The following COCH variants were observed in gnomAD, a reference collection of about 807,000 sequenced individuals.
COCH encodes coagulation factor C homolog, cochlin (Limulus polyphemus).
In COCH, 40 loss-of-function variants were observed where a neutral mutation model predicts 54.8. The ratio of observed to expected loss-of-function variants is 0.73; its 90% CI spans 0.57 to 0.95. The LOEUF (loss-of-function observed/expected upper bound fraction) is 0.95. Ranked by LOEUF, COCH falls within the 40% of genes least tolerant of loss-of-function variation. COCH has a pLI of 0.00. For synonymous variants in COCH, 256 were observed against 237.9 expected (o/e 1.08, Z -0.70); for missense variants, 605 against 675.0 (o/e 0.90, Z 1.15).
In COCH at chr14:30,885,607, C is replaced by T; in HGVS notation, c.947C>T (p.Thr316Ile). The T allele has an allele frequency of 6.3e-7, 1 of 1,594,910 alleles. No individual in the cohort carries two copies. The highest frequency in any genetic ancestry group is 1.1e-5 in the South Asian group (1 of 90,668). ...GAACTGGGGATGGTTCAGGATGTCA[C>T]ATTTGTTGACAAGGTAAAGTGGTGA... ...PEELGMVQDVTFVDKAVCRNN... is the reference protein window; with the variant it reads ...PEELGMVQDVIFVDKAVCRNN... Residue 316 changes from threonine (T) to isoleucine (I), a missense_variant, in exon 10 of 12, where the codon ACA becomes ATA. Physicochemically the swap from Thr to Ile is moderately conservative, Grantham distance 89. Coordinates refer to ENST00000396618, the MANE Select transcript of COCH (RefSeq NM_004086.3).
At chr14:30,876,964 ATTTAAAAAAAATTT>A (rs1296425575) in intron 3 of COCH, among the ~76,000 whole-genome samples, 1 of 151,920 alleles carries the variant, frequency 6.6e-6, no homozygotes, top group Non-Finnish European at 1.5e-5. Context: ...ACGTGTGGCC[ATTTAAAAAAAATTT>A]TTTTTTTTTA....
chr14:30,885,993 G>A lies in COCH; in HGVS notation c.1158G>A (p.Met386Ile), dbSNP rs1479451581. The A allele has an allele frequency of 6.2e-7, 1 of 1,614,110 alleles. No individual in the cohort carries two copies. Among genetic ancestry groups the A allele is most frequent in the African/African-American group, 1.3e-5 (1 of 74,936 alleles). Residue 386 changes from methionine to isoleucine, a missense_variant, in exon 11 of 12, where the codon ATG (methionine) becomes ATA (isoleucine). Coordinates refer to ENST00000396618, the MANE Select transcript of COCH (RefSeq NM_004086.3). ...SSVGDSNFRL[M>I]LEFVSNIAKT... is the part of the protein sequence containing the mutation. ...TTGGAGATAGCAATTTCCGCCTCAT[G>A]CTTGAATTTGTTTCCAACATAGCCA...
chr14:30,883,232 TTTGA>T (rs1364433517), intron 8 of COCH, among the ~76,000 whole-genome samples: 13 of 152,238 alleles, frequency 8.5e-5, no homozygotes, highest in Non-Finnish European at 1.3e-4. Context: ...TCTACGCTGC[TTTGA>T]TTATCACAGT....
In COCH at chr14:30,885,422, A is replaced by G. The variant is rs1895751616; in HGVS notation, c.762A>G (p.Lys254=). The G allele has an allele frequency of 6.2e-7, 1 of 1,614,046 alleles. No homozygotes were observed. The highest frequency in any genetic ancestry group is 1.3e-5 in the African/African-American group (1 of 74,932). ...AAGCCTTGAAGCATACTGCTCAGAA[A>G]TTCTTCACGGTAGATGCTGGAGTAA... The part of the protein sequence containing the change: ...TGKALKHTAQ[K]FFTVDAGVRK... Residue 254 remains lysine, a synonymous_variant, in exon 10 of 12, where the codon AAA becomes AAG. Transcript: ENST00000396618.
chr14:30,883,584 G>A (rs1895684636), intron 8 of COCH, among the ~76,000 whole-genome samples: 1 of 152,096 alleles, frequency 6.6e-6, no homozygotes, highest in African/African-American at 2.4e-5. Flanking sequence ...TATTCCATCA[G>A]GTATGTATGC....
intron 8 of COCH, among the ~76,000 whole-genome samples, chr14:30,881,023 C>T (rs931288470): frequency 2.0e-5 from 3 of 151,964 alleles, no homozygotes; most frequent in Admixed American, 2.0e-4. Flanking sequence ...CAAAACCAGT[C>T]TGGCCAACAT....
chr14:30,887,610 T>C (rs890001427), intron 11 of COCH, among the ~76,000 whole-genome samples: 5 of 152,186 alleles, frequency 3.3e-5, no homozygotes, highest in African/African-American at 1.2e-4. Flanking sequence ...TCTGAGGATA[T>C]AACTGAGTGA....
At chr14:30,891,646 T>A (rs17097473), downstream of COCH, among the ~76,000 whole-genome samples, 2 of 152,186 alleles carry the variant, frequency 1.3e-5, no homozygotes, top group African/African-American at 4.8e-5. Context: ...CCCCAGTAAG[T>A]AGACCAAAAA....
intron 8 of COCH, 75 bp from the exon 9 acceptor site, chr14:30,884,478 T>A: frequency 9.9e-7 from 1 of 1,012,738 alleles, no homozygotes; most frequent in Non-Finnish European, 1.5e-6. Context: ...TTTAAAACTG[T>A]TTTTTAAGGC....
chr14:30,878,560 G>A (rs1030006722), intron 4 of COCH, among the ~76,000 whole-genome samples: 4 of 152,196 alleles, frequency 2.6e-5, no homozygotes, highest in Non-Finnish European at 5.9e-5. Context: ...GGGAGGCTGA[G>A]GCAGGAGAAT....
chr14:30,885,100 T>C lies in COCH; in HGVS notation c.734-294T>C, dbSNP rs981328477. The C allele has an allele frequency of 1.0e-5, 16 of 1,564,486 alleles. 1 individual carries two copies. The highest frequency in any genetic ancestry group is 1.7e-4 in the Middle Eastern group (1 of 5,882). Reference sequence around the variant, plus strand: ...GCACATGCATGGAAGTGGGAATCAGTTTTGTGTTTCTAACTGGCGATTGAT... The same window carrying C: ...GCACATGCATGGAAGTGGGAATCAGCTTTGTGTTTCTAACTGGCGATTGAT... On this transcript the variant is annotated intron_variant, in intron 9 of 11. Transcript: ENST00000396618.
At chr14:30,884,878 G>T in intron 9 of COCH, 1 of 1,562,586 alleles carries the variant, frequency 6.4e-7, no homozygotes, top group Non-Finnish European at 8.6e-7. Context: ...AAAGCATGGT[G>T]ATTTAGAATT....
rs576023974 is a variant in COCH, at chr14:30,886,853, G to A, written c.1477+541G>A. ...CTGTGTCAGCCTTCCAAATAGCTAG[G>A]ACGACAGGCACATGCCACTGCCCCT... is the stretch of plus-strand genomic sequence containing the variant. On this transcript the variant is annotated intron_variant, in intron 11 of 11. Coordinates refer to ENST00000396618, the MANE Select transcript of COCH (RefSeq NM_004086.3). Among the ~76,000 whole-genome samples, 87 of 152,256 alleles carry A rather than the reference G, an allele frequency of 5.7e-4. 1 individual carries two copies. Among genetic ancestry groups the A allele is most frequent in the Non-Finnish European group, 9.3e-4 (63 of 68,016 alleles).
downstream of COCH, among the ~76,000 whole-genome samples, chr14:30,891,214 T>A (rs1395276614): frequency 1.3e-5 from 2 of 152,330 alleles, no homozygotes; most frequent in African/African-American, 4.8e-5. Context: ...AGTTGGTTCC[T>A]ATGAAAGGAG....
chr14:30,877,839 G>C lies in COCH; in HGVS notation c.239+111G>C, dbSNP rs929514803. 1.2e-5 allele frequency: 19 copies of C among 1,541,640 alleles called. No homozygotes were observed. In the Admixed American group the frequency reaches 2.6e-4, roughly 21 times the overall value. ...CTGCATTCTTTCTTTTGTTGCCATT[G>C]TGGCCACAGAAAATGGATATATTTT... On this transcript the variant is annotated intron_variant, in intron 4 of 11. Coordinates refer to ENST00000396618, the MANE Select transcript of COCH (RefSeq NM_004086.3). The surrounding 1 kb of genome is among the most constrained non-coding windows in gnomAD (Gnocchi z 8.6).
chr14:30,883,909 C>G (rs1337145042), intron 8 of COCH, among the ~76,000 whole-genome samples: 1 of 152,126 alleles, frequency 6.6e-6, no homozygotes, highest in African/African-American at 2.4e-5. Context: ...CTTTATAATT[C>G]ATTTCACCTT....
At position 30,885,933 on chromosome 14, in the gene COCH, G is replaced by A. The variant is rs771756402; in HGVS notation, c.1098G>A (p.Val366=). ...GCAGCAAGACCTGTTATAACTCAGTGAACATTGCCTTTCTAATTGATGGCT... is the reference window on the plus strand; with the variant it reads ...GCAGCAAGACCTGTTATAACTCAGTAAACATTGCCTTTCTAATTGATGGCT... ...MMCSKTCYNS[V]NIAFLIDGSS... is the part of the protein sequence containing the mutation. Residue 366 remains valine (V), a synonymous_variant, in exon 11 of 12, where the codon GTG becomes GTA. Transcript: ENST00000396618. 1.9e-6 allele frequency: 3 copies of A among 1,614,200 alleles called. No homozygotes were observed. In the South Asian group the frequency reaches 3.3e-5, roughly 18 times the overall value.
Position 30,885,899 on chromosome 14 carries a change from A to C in COCH, c.1064A>C (p.Gln355Pro). Residue 355 changes from glutamine (Q) to proline (P), a missense_variant, in exon 11 of 12, where the codon CAA becomes CCA. Gln to Pro is a moderately conservative substitution (Grantham distance 76). Coordinates refer to ENST00000396618, the MANE Select transcript of COCH (RefSeq NM_004086.3). ...GTACAGAAGCTGTGCACTCATGAAC[A>C]AATGATGTGCAGCAAGACCTGTTAT... ...PLVQKLCTHEQMMCSKTCYNS... is the reference protein window; with the variant it reads ...PLVQKLCTHEPMMCSKTCYNS... The C allele has an allele frequency of 6.2e-7, 1 of 1,614,200 alleles. No homozygotes were observed.
chr14:30,890,524 AT>A lies in COCH; in HGVS notation c.*734del. On this transcript the variant is annotated 3_prime_UTR_variant, in exon 12 of 12. Transcript: ENST00000396618. ...TTGGTAAAGTATTTACTGACTGCTTATAAACATTTAAAGACAAAGACATTTC... is the reference window on the plus strand; with the variant it reads ...TTGGTAAAGTATTTACTGACTGCTTAAAACATTTAAAGACAAAGACATTTC... 1.1e-6 allele frequency: 1 copy of A among 939,414 alleles called. No homozygotes were observed. The highest frequency in any genetic ancestry group is 1.3e-6 in the Non-Finnish European group (1 of 787,800). 58.2% of individuals were successfully genotyped at this position (939,414 alleles called of 1,614,324 possible).
Sources: gnomAD v4.1 joint callset for allele counts (sites outside exome capture counted in the v4.1 genomes callset) on GRCh38, gnomAD v4.1.1 for gene constraint, Gnocchi (gnomAD v3.1) non-coding constraint, MANE v1.5 for transcripts, NCBI Gene and HGNC (gene_info 2026-07-23, HGNC 2026-07-21) for gene names.